RAB40C: variants seen among roughly 807,000 people sequenced by gnomAD.
The protein encoded by RAB40C is ras-related protein Rab-40C.
Under a neutral mutation model 28.1 loss-of-function variants are expected in RAB40C, and 8 were observed. That is an observed-to-expected ratio of 0.28 (90% CI 0.17 to 0.51). The LOEUF (loss-of-function observed/expected upper bound fraction) is 0.51. RAB40C is among the 20% of genes least tolerant of loss of function. The pLI, the probability that RAB40C is intolerant of heterozygous loss-of-function variation, is 0.97. For missense variants in RAB40C, 288 were observed against 405.9 expected (o/e 0.71, Z 2.50); for synonymous variants, 201 against 171.7 (o/e 1.17, Z -1.34).
chr16:612,051 C>T (rs1374970547), intron 1 of RAB40C, among the ~76,000 whole-genome samples: 1 of 32,986 alleles, frequency 3.0e-5, no homozygotes. Context: ...CAGGGACAGC[C>T]GCCCTGGCCT....
At chr16:625,068 T>C (rs1002387196) in intron 3 of RAB40C, 10 of 1,292,652 alleles carry the variant, frequency 7.7e-6, no homozygotes, top group Admixed American at 2.3e-5. Context: ...GGGGATTCAC[T>C]GATGGACTGG....
At chr16:626,268 C>T in intron 5 of RAB40C, 147 bp downstream of exon 5, 1 of 768,696 alleles carries the variant, frequency 1.3e-6, no homozygotes, top group African/African-American at 1.7e-5. Context: ...GGCGGCAGGT[C>T]AGTGACTTGG....
At chr16:623,887 G>A (rs756580963) in intron 3 of RAB40C, 15 of 907,210 alleles carry the variant, frequency 1.7e-5, no homozygotes, top group African/African-American at 9.0e-5. Flanking sequence ...AGCCATGATC[G>A]TGCCACTGCA....
In RAB40C at chr16:603,925, C is replaced by T. The variant is rs79765771; in HGVS notation, c.143-13283C>T. Among the ~76,000 whole-genome samples, 981 of 152,190 alleles carry T rather than the reference C, an allele frequency of 6.4e-3. 9 individuals are homozygous for T. Among genetic ancestry groups the T allele is most frequent in the African/African-American group, 0.022 (929 of 41,524 alleles). ...AATAGTAGATTCTTCTTTTTTTGTT[C>T]CCAAGTGGTATTCCTTTGCACAAAT... On this transcript the variant is annotated intron_variant, in intron 1 of 5. Coordinates refer to ENST00000248139, the MANE Select transcript of RAB40C (RefSeq NM_021168.5).
intron 1 of RAB40C, among the ~76,000 whole-genome samples, chr16:590,679 G>T (rs995746489): frequency 2.0e-5 from 3 of 152,256 alleles, no homozygotes; most frequent in South Asian, 2.1e-4. Context: ...ATGGACCCGG[G>T]GTCTGGGGGA....
intron 1 of RAB40C, among the ~76,000 whole-genome samples, chr16:615,948 T>G (rs1411263445): frequency 7.1e-6 from 1 of 141,676 alleles, no homozygotes; most frequent in Non-Finnish European, 1.5e-5. Flanking sequence ...GGCGACAGAG[T>G]GAGACTCCAT....
intron 5 of RAB40C, 74 bp downstream of exon 5, chr16:626,195 G>C: frequency 7.0e-7 from 1 of 1,436,386 alleles, no homozygotes; most frequent in Non-Finnish European, 9.7e-7. Context: ...GGCTGAGGGG[G>C]GCCAGGGGCC....
In RAB40C at chr16:627,824, G is replaced by C; in HGVS notation, c.*202G>C. Reference sequence around the variant, plus strand: ...GCAGGCGGGAGGAGGGGGCGCGGCTGGGCTGCTGGTGCTTCCGGGAATCTT... The same window carrying C: ...GCAGGCGGGAGGAGGGGGCGCGGCTCGGCTGCTGGTGCTTCCGGGAATCTT... On this transcript the variant is annotated 3_prime_UTR_variant, in exon 6 of 6. Coordinates refer to ENST00000248139, the MANE Select transcript of RAB40C (RefSeq NM_021168.5). 1.8e-6 allele frequency: 1 copy of C among 551,622 alleles called. No individual in the cohort carries two copies. The highest frequency in any genetic ancestry group is 4.6e-5 in the South Asian group (1 of 21,898). The allele number at this position is 551,622 out of a possible 1,614,324, so 34.2% of individuals were successfully genotyped here.
At chr16:605,453 G>A (rs1004645395) in intron 1 of RAB40C, among the ~76,000 whole-genome samples, 3 of 152,150 alleles carry the variant, frequency 2.0e-5, no homozygotes, top group African/African-American at 4.8e-5. Context: ...ATCAGCCCTC[G>A]CAGCCTCGCC....
chr16:601,844 A>AGG, intron 1 of RAB40C, among the ~76,000 whole-genome samples: 1 of 147,010 alleles, frequency 6.8e-6, no homozygotes, highest in South Asian at 2.2e-4. Flanking sequence ...AAAAAAAAAA[A>AGG]AGGCCGGATG....
chr16:592,282 A>G (rs1199745625), intron 1 of RAB40C, among the ~76,000 whole-genome samples: 1 of 152,148 alleles, frequency 6.6e-6, no homozygotes, highest in East Asian at 1.9e-4. Flanking sequence ...TGGGCGCAGC[A>G]TCCCCCACTC....
At chr16:597,473 C>CT (rs568587117) in intron 1 of RAB40C, among the ~76,000 whole-genome samples, 228 of 142,716 alleles carry the variant, frequency 1.6e-3, no homozygotes, top group Middle Eastern at 3.7e-3. Context: ...CATCTAGCAT[C>CT]TTTTTTTTTT....
intron 3 of RAB40C, among the ~76,000 whole-genome samples, chr16:620,935 A>G (rs2036703823): frequency 3.3e-5 from 5 of 152,104 alleles, no homozygotes; most frequent in Non-Finnish European, 1.5e-5. Flanking sequence ...CATGAGAACT[A>G]AAAAAGAAAA....
chr16:607,659 T>C (rs1343469440), intron 1 of RAB40C, among the ~76,000 whole-genome samples: 3 of 151,800 alleles, frequency 2.0e-5, no homozygotes, highest in East Asian at 1.9e-4. Context: ...GGCGCGGTGG[T>C]GGGCGCCTGT....
chr16:598,140 G>A (rs2151061524), intron 1 of RAB40C, among the ~76,000 whole-genome samples: 1 of 152,124 alleles, frequency 6.6e-6, no homozygotes, highest in African/African-American at 2.4e-5. Context: ...AGCACTTTGG[G>A]AGGCCAAGGC....
chr16:618,751 A>G (rs60957680), intron 3 of RAB40C, among the ~76,000 whole-genome samples: 29 of 111,450 alleles, frequency 2.6e-4, no homozygotes, highest in Non-Finnish European at 3.1e-4. Context: ...GGTCTGGCGG[A>G]CGCACTGGGG....
intron 3 of RAB40C, among the ~76,000 whole-genome samples, chr16:622,024 T>C (rs1306095994): frequency 6.6e-6 from 1 of 152,202 alleles, no homozygotes; most frequent in African/African-American, 2.4e-5. Flanking sequence ...GGCTTCACTC[T>C]CGCTGGCTGT....
intron 1 of RAB40C, among the ~76,000 whole-genome samples, chr16:600,957 C>T (rs1431553067): frequency 6.6e-6 from 1 of 152,210 alleles, no homozygotes; most frequent in African/African-American, 2.4e-5. Context: ...CTCTCCTGGA[C>T]TGCTGTGGAG....
intron 1 of RAB40C, among the ~76,000 whole-genome samples, chr16:605,691 C>T (rs969080594): frequency 1.3e-5 from 2 of 152,198 alleles, no homozygotes; most frequent in Non-Finnish European, 2.9e-5. Flanking sequence ...TGCATTGGCT[C>T]CACTCCAGAT....
Sources: allele counts gnomAD v4.1 joint callset (sites outside exome capture counted in the v4.1 genomes callset), GRCh38; gene constraint gnomAD v4.1.1; transcripts MANE v1.5; gene names NCBI Gene and HGNC (gene_info 2026-07-23, HGNC 2026-07-21).